CEP128: variants seen among roughly 807,000 people sequenced by gnomAD.
The protein encoded by CEP128 is centrosomal protein 128.
In CEP128, 132 loss-of-function variants were observed where a neutral mutation model predicts 156.7. The observed-to-expected ratio is 0.84, with a 90% CI of 0.73 to 0.97. The LOEUF is 0.97. Ranked by LOEUF, CEP128 falls within the 50% of genes least tolerant of loss-of-function variation. The probability of loss-of-function intolerance (pLI) is 0.00; values close to 1 mark genes in which losing one functional copy is unlikely to be tolerated. For synonymous variants in CEP128, 469 were observed against 448.9 expected (o/e 1.04, Z -0.57); for missense variants, 1,252 against 1,281.9 (o/e 0.98, Z 0.36).
chr14:80,709,463 G>A (rs1044281858), intron 19 of CEP128, among the ~76,000 whole-genome samples: 4 of 152,192 alleles, frequency 2.6e-5, no homozygotes, highest in Admixed American at 1.3e-4. Context: ...TTTAATATCT[G>A]GTAGCATTAA....
intron 19 of CEP128, among the ~76,000 whole-genome samples, chr14:80,626,358 G>A (rs1893720195): frequency 6.6e-6 from 1 of 151,282 alleles, no homozygotes; most frequent in South Asian, 2.1e-4. Flanking sequence ...CAGCTACTCG[G>A]GAGGCTGAGG....
chr14:80,801,293 G>A lies in CEP128; in HGVS notation c.1210-8183C>T, dbSNP rs1420973030. ...ACTATATTGAACAGGAGTGGTGAGA[G>A]AGGGCATCCTTGTCTTGTACCGGTT... On this transcript the variant is annotated intron_variant, in intron 13 of 24. Coordinates refer to ENST00000555265, the MANE Select transcript of CEP128 (RefSeq NM_152446.5). Among the ~76,000 whole-genome samples the A allele has an allele frequency of 3.9e-5, 6 of 152,160 alleles. No homozygotes were observed. In the East Asian group the frequency reaches 1.2e-3, roughly 29 times the overall value.
intron 8 of CEP128, among the ~76,000 whole-genome samples, chr14:80,892,263 AT>A (rs2139378127): frequency 6.6e-6 from 1 of 152,148 alleles, no homozygotes; most frequent in Admixed American, 6.6e-5. Flanking sequence ...CCAAACAGAT[AT>A]GGTCAACTAA....
chr14:80,778,189 C>G, intron 15 of CEP128, 143 bp from the exon 16 acceptor site: 2 of 691,720 alleles, frequency 2.9e-6, no homozygotes, highest in Non-Finnish European at 4.8e-6. Flanking sequence ...AAAATAAACA[C>G]AAAGGAAATG....
At chr14:80,698,822 AT>A in intron 19 of CEP128, among the ~76,000 whole-genome samples, 1 of 152,308 alleles carries the variant, frequency 6.6e-6, no homozygotes, top group African/African-American at 2.4e-5. Context: ...TAAGTTAAGC[AT>A]TATACAATTT....
At chr14:80,884,540 G>A (rs117266160) in intron 8 of CEP128, among the ~76,000 whole-genome samples, 3,057 of 152,246 alleles carry the variant, frequency 0.02, 43 homozygotes, top group Non-Finnish European at 0.03. Context: ...TTGCCTCACC[G>A]GGGAAGTGCA....
In CEP128 at chr14:80,907,836, A is replaced by C. The variant is rs918297724; in HGVS notation, c.235-1755T>G. 3.9e-5 allele frequency among the ~76,000 whole-genome samples: 6 copies of C among 152,314 alleles called. No homozygotes were observed. The East Asian group carries it at 1.2e-3, about 29-fold the overall frequency. ...ATCAGTAATCTATGACAAAATTATC[A>C]GAATAAAACTAAACAATATTAAAGC... is the stretch of plus-strand genomic sequence containing the variant. On this transcript the variant is annotated intron_variant, in intron 4 of 24. Transcript: ENST00000555265.
chr14:80,807,875 T>C (rs1358417995), intron 13 of CEP128, among the ~76,000 whole-genome samples: 2 of 152,188 alleles, frequency 1.3e-5, no homozygotes, highest in African/African-American at 4.8e-5. Flanking sequence ...GACATCTCCC[T>C]GTGTCCCCCA....
At chr14:80,620,460 T>C (rs35505520) in intron 19 of CEP128, among the ~76,000 whole-genome samples, 18,325 of 151,984 alleles carry the variant, frequency 0.12, 1,379 homozygotes, top group East Asian at 0.31. Flanking sequence ...CAGAATACCA[T>C]GGGCAAAAAG....
chr14:80,883,735 A>G (rs1180144290), intron 8 of CEP128, among the ~76,000 whole-genome samples: 1 of 152,158 alleles, frequency 6.6e-6, no homozygotes, highest in Non-Finnish European at 1.5e-5. Flanking sequence ...AAATCCTAAA[A>G]TTAATATTGA....
chr14:80,622,110 CAT>C (rs923948819), intron 19 of CEP128, among the ~76,000 whole-genome samples: 2 of 152,146 alleles, frequency 1.3e-5, no homozygotes, highest in African/African-American at 4.8e-5. Flanking sequence ...AAAGGAAAAA[CAT>C]AAATGCACAG....
At chr14:80,488,818 G>C (rs1887230565), downstream of CEP128, among the ~76,000 whole-genome samples, 1 of 151,922 alleles carries the variant, frequency 6.6e-6, no homozygotes, top group South Asian at 2.1e-4. Flanking sequence ...AAAATGATGA[G>C]TTCATGTCCT....
At chr14:80,533,625 CCTT>C (rs1390939290) in intron 21 of CEP128, among the ~76,000 whole-genome samples, 5 of 151,944 alleles carry the variant, frequency 3.3e-5, no homozygotes, top group African/African-American at 7.3e-5. Context: ...CTCCTTGACT[CCTT>C]CTTTTCTCAG....
In CEP128 at chr14:80,878,221, C is replaced by T. The variant is rs183224338; in HGVS notation, c.646-15348G>A. On this transcript the variant is annotated intron_variant, in intron 8 of 24. Coordinates refer to ENST00000555265, the MANE Select transcript of CEP128 (RefSeq NM_152446.5). ...GAGGCTCTACTGACTCACGTAGCTG[C>T]ACTTTTAGCAGTGCCTCACATCCCA... Among the ~76,000 whole-genome samples the T allele has an allele frequency of 1.2e-3, 181 of 152,252 alleles. 2 individuals are homozygous for T. Among genetic ancestry groups the T allele is most frequent in the African/African-American group, 4.1e-3 (172 of 41,560 alleles).
At chr14:80,533,369 T>C (rs1993007) in intron 21 of CEP128, among the ~76,000 whole-genome samples, 80,105 of 151,988 alleles carry the variant, frequency 0.53, 23,646 homozygotes, top group East Asian at 0.68. Flanking sequence ...TGAAGTGATC[T>C]TCTGAACCAA....
At chr14:80,757,520 C>A (rs1595355726) in intron 17 of CEP128, among the ~76,000 whole-genome samples, 1 of 152,242 alleles carries the variant, frequency 6.6e-6, no homozygotes, top group Non-Finnish European at 1.5e-5. Flanking sequence ...CACGCCAACT[C>A]ATTTATAAAA....
chr14:80,545,058 A>G (rs1405846480), intron 21 of CEP128, among the ~76,000 whole-genome samples: 1 of 152,128 alleles, frequency 6.6e-6, no homozygotes, highest in East Asian at 1.9e-4. Flanking sequence ...AAAGCTCTCA[A>G]CCTTTTACCA....
At chr14:80,901,183 G>A (rs1464846548) in intron 6 of CEP128, among the ~76,000 whole-genome samples, 1 of 151,988 alleles carries the variant, frequency 6.6e-6, no homozygotes, top group Non-Finnish European at 1.5e-5. Flanking sequence ...TCCAGCCTGG[G>A]CGACAGAGCG....
chr14:80,891,898 T>A (rs1233203719), intron 8 of CEP128, among the ~76,000 whole-genome samples: 1 of 151,684 alleles, frequency 6.6e-6, no homozygotes, highest in African/African-American at 2.4e-5. Context: ...AAGACACTGA[T>A]GAAAGAAATT....
Sources: allele counts gnomAD v4.1 joint callset (sites outside exome capture counted in the v4.1 genomes callset), GRCh38; gene constraint gnomAD v4.1.1; transcripts MANE v1.5; gene names NCBI Gene and HGNC (gene_info 2026-07-23, HGNC 2026-07-21).